Variants in SUMO2 observed in about 807,000 individuals in gnomAD.
SUMO2 encodes small ubiquitin-related modifier 2.
Under a neutral mutation model 16.0 loss-of-function variants are expected in SUMO2, and 1 was observed. That is an observed-to-expected ratio of 0.06 (90% CI 0.02 to 0.30). SUMO2 has a LOEUF of 0.30. SUMO2 is among the 10% of genes least tolerant of loss of function. SUMO2 has a pLI of 1.00. For missense variants in SUMO2, 16 were observed against 117.5 expected (o/e 0.14, Z 3.99); for synonymous variants, 36 against 40.6 (o/e 0.89, Z 0.43).
chr17:75,174,725 T>C, intron 3 of SUMO2, 27 bp downstream of exon 3: 2 of 1,600,146 alleles, frequency 1.2e-6, no homozygotes. Context: ...AAATGGTAAT[T>C]TTTCTAATTA....
At chr17:75,171,875 T>C (rs1234564631) in intron 3 of SUMO2, among the ~76,000 whole-genome samples, 1 of 152,102 alleles carries the variant, frequency 6.6e-6, no homozygotes, top group Non-Finnish European at 1.5e-5. Context: ...CTGTCATCTA[T>C]CTACTAAAAC....
At chr17:75,182,599 C>T (rs1163014242) in intron 1 of SUMO2, 3 of 329,504 alleles carry the variant, frequency 9.1e-6, no homozygotes, top group Non-Finnish European at 1.1e-5. Context: ...CGGAGGCCGC[C>T]GGGGGCGGGA....
chr17:75,180,405 A>AC (rs1375168619), intron 2 of SUMO2, among the ~76,000 whole-genome samples: 2 of 142,220 alleles, frequency 1.4e-5, no homozygotes, highest in Non-Finnish European at 3.1e-5. Flanking sequence ...AAAAAAAAAA[A>AC]AAAAAAAAAA....
chr17:75,171,984 C>A (rs1327315717), intron 3 of SUMO2, among the ~76,000 whole-genome samples: 2 of 151,272 alleles, frequency 1.3e-5, no homozygotes, highest in Non-Finnish European at 2.9e-5. Flanking sequence ...TTTAGCTCCT[C>A]CTTGTGGCTA....
At chr17:75,178,552 C>CAAACTGA (rs1043392677) in intron 2 of SUMO2, among the ~76,000 whole-genome samples, 2 of 151,560 alleles carry the variant, frequency 1.3e-5, no homozygotes, top group African/African-American at 4.8e-5. Flanking sequence ...TCAAAACCAC[C>CAAACTGA]AAACTGAAGC....
intron 1 of SUMO2, 126 bp from the exon 2 acceptor site, chr17:75,181,314 AC>A: frequency 3.1e-6 from 3 of 966,396 alleles, no homozygotes; most frequent in Non-Finnish European, 4.6e-6. Flanking sequence ...AAAACGGCAT[AC>A]TGCTGTTTTC....
At chr17:75,171,728 A>G (rs2074740267) in intron 3 of SUMO2, among the ~76,000 whole-genome samples, 2 of 152,136 alleles carry the variant, frequency 1.3e-5, no homozygotes, top group Non-Finnish European at 2.9e-5. Flanking sequence ...CTCCTTGTTT[A>G]ATATTTGTAA....
At chr17:75,175,281 C>A (rs1294349267) in intron 2 of SUMO2, among the ~76,000 whole-genome samples, 1 of 151,664 alleles carries the variant, frequency 6.6e-6, no homozygotes. Flanking sequence ...TGGTGCCCAG[C>A]CTCTCATTTT....
At chr17:75,180,983 A>T (rs1279708211) in intron 2 of SUMO2, 74 bp downstream of exon 2, 19 of 1,566,064 alleles carry the variant, frequency 1.2e-5, no homozygotes, top group Non-Finnish European at 1.7e-5. Context: ...GTGCTAGTCT[A>T]GTTTTTGTTC....
At chr17:75,178,870 G>A (rs528045372) in intron 2 of SUMO2, among the ~76,000 whole-genome samples, 3 of 151,844 alleles carry the variant, frequency 2.0e-5, no homozygotes, top group Non-Finnish European at 4.4e-5. Flanking sequence ...CAGAAGAATC[G>A]CTTAAAACTG....
chr17:75,180,533 T>A (rs954698494), intron 2 of SUMO2, among the ~76,000 whole-genome samples: 6 of 145,900 alleles, frequency 4.1e-5, no homozygotes, highest in Admixed American at 1.4e-4. Context: ...GCCAATACGG[T>A]GAAACCCCAT....
intron 3 of SUMO2, among the ~76,000 whole-genome samples, chr17:75,171,088 A>C (rs1466659232): frequency 2.0e-5 from 3 of 150,600 alleles, no homozygotes; most frequent in African/African-American, 7.3e-5. Flanking sequence ...AAAAAAGTAC[A>C]CCCCAAGGAG....
At position 75,179,667 on chromosome 17, in the gene SUMO2, T is replaced by C. The variant is rs1156722575; in HGVS notation, c.153+1390A>G. On this transcript the variant is annotated intron_variant, in intron 2 of 3. Coordinates refer to ENST00000420826, the MANE Select transcript of SUMO2 (RefSeq NM_006937.4). ...ACTTCAAACATTCTAAAGTTTTTTTTTTTTTTTCCTTTGAAATGCTCTCGC... is the reference window on the plus strand; with the variant it reads ...ACTTCAAACATTCTAAAGTTTTTTTCTTTTTTTCCTTTGAAATGCTCTCGC... Among the ~76,000 whole-genome samples the C allele has an allele frequency of 2.0e-5, 3 of 151,954 alleles. No homozygotes were observed. In the East Asian group the frequency reaches 5.8e-4, roughly 29 times the overall value.
intron 1 of SUMO2, 78 bp downstream of exon 1, chr17:75,182,736 G>T: frequency 8.4e-7 from 1 of 1,196,472 alleles, no homozygotes; most frequent in South Asian, 3.6e-5. Flanking sequence ...GGGAGCCAGC[G>T]GCGGGCTCTG....
At chr17:75,181,507 C>T (rs2074828497) in intron 1 of SUMO2, among the ~76,000 whole-genome samples, 1 of 152,070 alleles carries the variant, frequency 6.6e-6, no homozygotes, top group East Asian at 1.9e-4. Context: ...TATATCACTC[C>T]CAAAATACTT....
chr17:75,167,962 T>G lies in SUMO2; in HGVS notation c.*377A>C, dbSNP rs2074705640. The G allele has an allele frequency of 6.2e-6, 1 of 161,360 alleles. No homozygotes were observed. The highest frequency in any genetic ancestry group is 2.4e-5 in the African/African-American group (1 of 41,494). The allele number at this position is 161,360 out of a possible 1,614,324, so 10.0% of individuals were successfully genotyped here. A position where few individuals can be genotyped will look rare whatever the true frequency, so the allele number is the denominator to read the frequency against. On this transcript the variant is annotated 3_prime_UTR_variant, in exon 4 of 4. Transcript: ENST00000420826. ...TATGCAAGGATTTTTATGTTGTTGT[T>G]TTTTTTTTTTGTTAAAACAGTGAGA...
intron 3 of SUMO2, among the ~76,000 whole-genome samples, chr17:75,169,658 T>C (rs1456810301): frequency 6.6e-6 from 1 of 151,980 alleles, no homozygotes; most frequent in East Asian, 1.9e-4. Context: ...GCTGGGATTA[T>C]AGGCGTGAAC....
At chr17:75,170,050 G>A (rs116177942) in intron 3 of SUMO2, among the ~76,000 whole-genome samples, 3,052 of 151,392 alleles carry the variant, frequency 0.02, 112 homozygotes, top group African/African-American at 0.069. Context: ...ACGCCTGCAC[G>A]CCTGTAATCC....
intron 2 of SUMO2, among the ~76,000 whole-genome samples, chr17:75,179,075 G>C (rs957550602): frequency 3.3e-5 from 5 of 152,152 alleles, no homozygotes; most frequent in Non-Finnish European, 7.3e-5. Flanking sequence ...TTTGTATGCA[G>C]TTTTGCTAAA....
Sources: allele counts gnomAD v4.1 joint callset (sites outside exome capture counted in the v4.1 genomes callset), GRCh38; gene constraint gnomAD v4.1.1; transcripts MANE v1.5; gene names NCBI Gene and HGNC (gene_info 2026-07-23, HGNC 2026-07-21).